Variants in C9 observed in about 807,000 individuals in gnomAD.
C9 encodes the protein complement component C9.
In C9, 63 loss-of-function variants were observed where a neutral mutation model predicts 65.4. The ratio of observed to expected loss-of-function variants is 0.96; its 90% CI spans 0.79 to 1.19. The LOEUF (loss-of-function observed/expected upper bound fraction) is 1.19. Ranked by LOEUF, C9 falls within the 50% of genes most tolerant of loss-of-function variation. The pLI is 0.00. For synonymous variants in C9, 229 were observed against 227.9 expected, an observed-to-expected ratio of 1.00 and a Z score of -0.04; for missense variants, 744 against 670.1, an observed-to-expected ratio of 1.11 and a Z score of -1.22.
intron 5 of C9, among the ~76,000 whole-genome samples, chr5:39,327,393 T>C (rs1489587225): frequency 6.6e-6 from 1 of 152,166 alleles, no homozygotes; most frequent in African/African-American, 2.4e-5. Flanking sequence ...CTTAAGGCAG[T>C]GGCAGTGGGA....
At chr5:39,312,592 A>G (rs888792929) in intron 6 of C9, among the ~76,000 whole-genome samples, 2 of 152,122 alleles carry the variant, frequency 1.3e-5, no homozygotes, top group African/African-American at 4.8e-5. Context: ...AAATGTTTCC[A>G]GGGCCAGGGC....
chr5:39,289,819 T>C (rs1190668430), intron 9 of C9, among the ~76,000 whole-genome samples: 3 of 151,758 alleles, frequency 2.0e-5, no homozygotes, highest in African/African-American at 7.3e-5. Context: ...ATTTCCCAGA[T>C]GGAAGTGTTA....
rs1168923867 is a variant in C9 at position 39,288,643 on chromosome 5, A to G, written c.1645+80T>C. Reference sequence around the variant, plus strand: ...TAATCTAGAGATTTAGTACAAATTAATTCAAGAGCTAGTTTTCAAATTAGA... The same window carrying G: ...TAATCTAGAGATTTAGTACAAATTAGTTCAAGAGCTAGTTTTCAAATTAGA... On this transcript the variant is annotated intron_variant, in intron 10 of 10. Coordinates refer to ENST00000263408, the MANE Select transcript of C9 (RefSeq NM_001737.5). 4 of 774,136 alleles carry G rather than the reference A, an allele frequency of 5.2e-6. No individual in the cohort carries two copies. The African/African-American group carries it at 6.9e-5, about 13-fold the overall frequency. 48.0% of individuals were successfully genotyped at this position (774,136 alleles called of 1,614,324 possible). A position where few individuals can be genotyped will look rare whatever the true frequency, so the allele number is the denominator to read the frequency against.
At chr5:39,320,006 G>A (rs1753640036) in intron 5 of C9, among the ~76,000 whole-genome samples, 1 of 152,196 alleles carries the variant, frequency 6.6e-6, no homozygotes. Flanking sequence ...TGGACACACT[G>A]ATTAATGAAG....
intron 7 of C9, among the ~76,000 whole-genome samples, chr5:39,310,738 T>A (rs1753467026): frequency 1.3e-5 from 2 of 152,196 alleles, no homozygotes; most frequent in Non-Finnish European, 2.9e-5. Context: ...TTCCCTCCAA[T>A]ATTGAAGTAT....
chr5:39,312,495 T>C (rs756488432), intron 6 of C9, among the ~76,000 whole-genome samples: 2 of 152,182 alleles, frequency 1.3e-5, no homozygotes, highest in Non-Finnish European at 2.9e-5. Flanking sequence ...TCCCTTTCAG[T>C]CCACCCTCTC....
At chr5:39,332,377 AT>A (rs1240519085) in intron 4 of C9, among the ~76,000 whole-genome samples, 3 of 152,200 alleles carry the variant, frequency 2.0e-5, no homozygotes, top group Non-Finnish European at 4.4e-5. Flanking sequence ...GCTCTCCAAG[AT>A]GAACACAAAA....
intron 1 of C9, among the ~76,000 whole-genome samples, chr5:39,362,045 A>G (rs1754531622): frequency 6.6e-6 from 1 of 152,178 alleles, no homozygotes. Flanking sequence ...AGATGTCATA[A>G]GGACATTACA....
intron 5 of C9, among the ~76,000 whole-genome samples, chr5:39,324,034 A>G (rs533610465): frequency 2.0e-5 from 3 of 152,166 alleles, no homozygotes; most frequent in Non-Finnish European, 2.9e-5. Context: ...CAAACCATCT[A>G]AAAAAGAAAC....
intron 9 of C9, among the ~76,000 whole-genome samples, chr5:39,293,816 A>G (rs1753137460): frequency 6.6e-6 from 1 of 151,956 alleles, no homozygotes; most frequent in Admixed American, 6.6e-5. Context: ...AAACATAACA[A>G]GTCTCGAAAA....
chr5:39,348,171 G>A (rs1232892629), intron 1 of C9, among the ~76,000 whole-genome samples: 1 of 151,944 alleles, frequency 6.6e-6, no homozygotes, highest in African/African-American at 2.4e-5. Flanking sequence ...TTGACAAATG[G>A]GATCTAATTA....
chr5:39,354,452 T>G (rs138115138), intron 1 of C9, among the ~76,000 whole-genome samples: 2 of 152,348 alleles, frequency 1.3e-5, no homozygotes, highest in Non-Finnish European at 2.9e-5. Context: ...CAGGTGATTC[T>G]CATGTTCAAA....
chr5:39,331,780 G>A lies in C9; in HGVS notation c.511C>T (p.Pro171Ser). The change falls in exon 5 of 11, where the codon CCT becomes TCT. Residue 171 changes from proline (P) to serine (S), a missense_variant. By Grantham distance (74) the Pro-to-Ser change is moderately conservative (BLOSUM62 -1). Coordinates refer to ENST00000263408, the MANE Select transcript of C9 (RefSeq NM_001737.5). Reference protein sequence around the residue: ...NILGMDPLSTPFDNEFYNGLC... With the variant: ...NILGMDPLSTSFDNEFYNGLC... ...CCATTGTAGAACTCATTGTCAAAAG[G>A]TGTGCTTAGGGGATCCATCCCTAAA... The A allele has an allele frequency of 6.2e-7, 1 of 1,613,186 alleles. No individual in the cohort carries two copies. The highest frequency in any genetic ancestry group is 1.7e-4 in the Middle Eastern group (1 of 6,058).
intron 9 of C9, among the ~76,000 whole-genome samples, chr5:39,301,738 G>T (rs1753287539): frequency 6.6e-6 from 1 of 152,000 alleles, no homozygotes; most frequent in African/African-American, 2.4e-5. Context: ...ATTCTTTAGT[G>T]GGAGAAGATA....
chr5:39,323,155 G>T (rs771866476), intron 5 of C9, among the ~76,000 whole-genome samples: 17 of 151,952 alleles, frequency 1.1e-4, no homozygotes, highest in Non-Finnish European at 2.2e-4. Context: ...TGATTAAAAA[G>T]ATTGAATCAG....
intron 5 of C9, among the ~76,000 whole-genome samples, chr5:39,323,776 T>A (rs1033272610): frequency 5.9e-5 from 9 of 152,026 alleles, no homozygotes; most frequent in African/African-American, 2.2e-4. Context: ...AGGATGCCCA[T>A]TGTATCTCTG....
intron 1 of C9, among the ~76,000 whole-genome samples, chr5:39,354,445 G>A (rs1243917696): frequency 6.6e-6 from 1 of 152,156 alleles, no homozygotes; most frequent in Non-Finnish European, 1.5e-5. Context: ...AGTTACCCAG[G>A]TGATTCTCAT....
chr5:39,314,676 A>G (rs1012378140), intron 6 of C9, among the ~76,000 whole-genome samples: 4 of 152,096 alleles, frequency 2.6e-5, no homozygotes, highest in African/African-American at 7.2e-5. Flanking sequence ...CTTCCGTCAG[A>G]TAAATAATCT....
At chr5:39,316,065 A>G (rs1753565489) in intron 5 of C9, 36 bp from the exon 6 acceptor site, 7 of 1,569,590 alleles carry the variant, frequency 4.5e-6, no homozygotes, top group Non-Finnish European at 6.1e-6. Context: ...TAAAAACAAG[A>G]TACGAAACAA....
Sources: gnomAD v4.1 joint callset for allele counts (sites outside exome capture counted in the v4.1 genomes callset) on GRCh38, gnomAD v4.1.1 for gene constraint, MANE v1.5 for transcripts, NCBI Gene and HGNC (gene_info 2026-07-23, HGNC 2026-07-21) for gene names.